Variants in DNAJB1 observed in about 807,000 individuals in gnomAD.
DNAJB1 encodes the protein DnaJ heat shock protein family (Hsp40) member B1.
DNAJB1 carries 14 observed loss-of-function variants against 24.0 expected under a neutral mutation model. The ratio of observed to expected loss-of-function variants is 0.58; its 90% CI spans 0.39 to 0.91. The LOEUF (loss-of-function observed/expected upper bound fraction) is 0.91. DNAJB1 is among the 40% of genes least tolerant of loss of function. DNAJB1 has a pLI of 0.00. For synonymous variants in DNAJB1, 262 were observed against 174.4 expected (o/e 1.50, Z -3.96); for missense variants, 517 against 458.1 (o/e 1.13, Z -1.17).
intron 1 of DNAJB1, among the ~76,000 whole-genome samples, chr19:14,557,760 TA>T (rs1380465139): frequency 6.7e-6 from 1 of 149,754 alleles, no homozygotes; most frequent in Non-Finnish European, 1.5e-5. Context: ...TCATCATATT[TA>T]TTCTTTTTTT....
At chr19:14,551,564 G>T (rs1016899944), upstream of DNAJB1, among the ~76,000 whole-genome samples, 1 of 152,128 alleles carries the variant, frequency 6.6e-6, no homozygotes, top group South Asian at 2.1e-4. Flanking sequence ...CATTGAGGAC[G>T]CGCCCCTGCT....
chr19:14,541,856 C>T (rs902351297), intron 1 of DNAJB1, among the ~76,000 whole-genome samples: 3 of 150,564 alleles, frequency 2.0e-5, no homozygotes, highest in African/African-American at 7.3e-5. Flanking sequence ...AATCTTGGGT[C>T]ACTGCAACCT....
At chr19:14,520,048 T>C (rs912757253), upstream of DNAJB1, among the ~76,000 whole-genome samples, 3 of 152,274 alleles carry the variant, frequency 2.0e-5, no homozygotes, top group African/African-American at 4.8e-5. Flanking sequence ...TGGGTAACCT[T>C]GGGTTAGTTA....
chr19:14,517,001 T>A lies in DNAJB1; in HGVS notation c.257A>T (p.Asn86Ile). Residue 86 changes from asparagine to isoleucine, a missense_variant, in exon 2 of 3, where the codon AAT (asparagine) becomes ATT (isoleucine). Transcript: ENST00000254322. The stretch of plus-strand genomic sequence containing the variant: ...GAATGTGTAGCTGAAAGAGGTACCA[T>A]TGGCACCACCGCCGCTACCGCCACT... ...GPSGGSGGGA[N>I]GTSFSYTFHG... 1 of 1,608,684 alleles carries A rather than the reference T, an allele frequency of 6.2e-7. No homozygotes were observed. Among genetic ancestry groups the A allele is most frequent in the Non-Finnish European group, 8.5e-7 (1 of 1,177,842 alleles).
chr19:14,529,898 T>G (rs1299766318), upstream of DNAJB1: 1 of 810,234 alleles, frequency 1.2e-6, no homozygotes, highest in Non-Finnish European at 2.0e-6. Flanking sequence ...GCAGGAAGTA[T>G]TTATAAATCT....
chr19:14,559,576 C>T (rs2073844003), intron 1 of DNAJB1, among the ~76,000 whole-genome samples: 1 of 152,104 alleles, frequency 6.6e-6, no homozygotes, highest in East Asian at 1.9e-4. Context: ...TGCCTGAGCT[C>T]AGGAGTTCGA....
Position 14,515,053 on chromosome 19 carries a change from T to C in DNAJB1, c.*887A>G, listed in dbSNP as rs1230849067. On this transcript the variant is annotated 3_prime_UTR_variant, in exon 3 of 3. Coordinates refer to ENST00000254322, the MANE Select transcript of DNAJB1 (RefSeq NM_006145.3). ...ATTTACAGACGTTCCACAGTGCTCC[T>C]GTAATCAGAAGCAAAGACCCTTTTA... The C allele has an allele frequency of 6.6e-6, 1 of 152,618 alleles. No homozygotes were observed. The highest frequency in any genetic ancestry group is 1.5e-5 in the Non-Finnish European group (1 of 68,042). 9.5% of individuals were successfully genotyped at this position (152,618 alleles called of 1,614,324 possible).
At chr19:14,553,239 C>T (rs1270930530), upstream of DNAJB1, among the ~76,000 whole-genome samples, 1 of 152,178 alleles carries the variant, frequency 6.6e-6, no homozygotes, top group African/African-American at 2.4e-5. Flanking sequence ...TCTCCGGGTC[C>T]CGGGCTACCG....
At chr19:14,520,095 A>G (rs1481125128), upstream of DNAJB1, among the ~76,000 whole-genome samples, 1 of 152,138 alleles carries the variant, frequency 6.6e-6, no homozygotes, top group Non-Finnish European at 1.5e-5. Context: ...TCATCTGCAC[A>G]ATGAGGAATG....
At chr19:14,560,368 C>T (rs1038307357), upstream of DNAJB1, among the ~76,000 whole-genome samples, 5 of 152,178 alleles carry the variant, frequency 3.3e-5, no homozygotes, top group Admixed American at 1.3e-4. Context: ...ACAGGCCACA[C>T]GGGCTTGGAA....
Position 14,515,330 on chromosome 19 carries a change from C to G in DNAJB1, c.*610G>C, listed in dbSNP as rs1215068407. 1 of 152,828 alleles carries G rather than the reference C, an allele frequency of 6.5e-6. No individual in the cohort carries two copies. Among genetic ancestry groups the G allele is most frequent in the Non-Finnish European group, 1.5e-5 (1 of 68,146 alleles). 9.5% of individuals were successfully genotyped at this position (152,828 alleles called of 1,614,324 possible). A position where few individuals can be genotyped will look rare whatever the true frequency, so the allele number is the denominator to read the frequency against. On this transcript the variant is annotated 3_prime_UTR_variant, in exon 3 of 3. Coordinates refer to ENST00000254322, the MANE Select transcript of DNAJB1 (RefSeq NM_006145.3). ...ATCAAGGGAGAGGTGGCTGCACTTG[C>G]TGGAGTCACTCACTGGAGGCTGGCT...
At chr19:14,517,656 AG>A (rs1297721935) in intron 1 of DNAJB1, 1 of 155,236 alleles carries the variant, frequency 6.4e-6, no homozygotes, top group African/African-American at 2.4e-5. Context: ...TGCCGGGGCC[AG>A]GTCATCACTT....
chr19:14,533,732 C>T (rs2072759031), upstream of DNAJB1, among the ~76,000 whole-genome samples: 1 of 152,140 alleles, frequency 6.6e-6, no homozygotes, highest in Admixed American at 6.5e-5. Flanking sequence ...AAGTTTTCCA[C>T]TCTGTGGCCT....
At chr19:14,521,869 G>T (rs1030728360), upstream of DNAJB1, among the ~76,000 whole-genome samples, 16 of 152,264 alleles carry the variant, frequency 1.1e-4, no homozygotes, top group African/African-American at 3.9e-4. Context: ...TGATCAACAC[G>T]CCTTGATCTC....
chr19:14,545,563 A>C lies in DNAJB1; in HGVS notation c.-214+4645T>G, dbSNP rs73521814. Among the ~76,000 whole-genome samples the C allele has an allele frequency of 6.0e-3, 915 of 152,272 alleles. 10 individuals are homozygous for C. Among genetic ancestry groups the C allele is most frequent in the African/African-American group, 0.021 (880 of 41,546 alleles). ...CGCACTGTCATATCCCGGCCCTTGG[A>C]TCGCTGCCCGCACGCTCTTGTTACA... is the stretch of plus-strand genomic sequence containing the variant. On this transcript the variant is annotated intron_variant, in intron 1 of 3. Transcript: ENST00000676982.
chr19:14,538,871 G>T (rs770828787), intron 1 of DNAJB1, among the ~76,000 whole-genome samples: 5 of 151,836 alleles, frequency 3.3e-5, no homozygotes, highest in African/African-American at 9.7e-5. Context: ...TCCACCAGGC[G>T]CCAGGAGACA....
chr19:14,553,979 G>A (rs2073630224), upstream of DNAJB1, among the ~76,000 whole-genome samples: 1 of 152,204 alleles, frequency 6.6e-6, no homozygotes, highest in South Asian at 2.1e-4. Flanking sequence ...CTTCCTACCA[G>A]GAAGTGCAGT....
chr19:14,523,068 T>G (rs2072380577), upstream of DNAJB1, among the ~76,000 whole-genome samples: 1 of 151,932 alleles, frequency 6.6e-6, no homozygotes, highest in Non-Finnish European at 1.5e-5. Context: ...TAGCTGGGCA[T>G]GGTGGCATGT....
At chr19:14,552,044 T>A (rs143240684), upstream of DNAJB1, among the ~76,000 whole-genome samples, 13 of 149,142 alleles carry the variant, frequency 8.7e-5, no homozygotes, top group East Asian at 2.6e-3. Flanking sequence ...AGTGGTGCAG[T>A]CATAACTCAG....
Sources: gnomAD v4.1 joint callset for allele counts (sites outside exome capture counted in the v4.1 genomes callset) on GRCh38, gnomAD v4.1.1 for gene constraint, MANE v1.5 for transcripts, NCBI Gene and HGNC (gene_info 2026-07-23, HGNC 2026-07-21) for gene names.